E2F4: variants seen among roughly 807,000 people sequenced by gnomAD.
The protein encoded by E2F4 is transcription factor E2F4.
E2F4 carries 16 observed loss-of-function variants against 44.5 expected under a neutral mutation model. The observed-to-expected ratio is 0.36, with a 90% CI of 0.24 to 0.55. The LOEUF (loss-of-function observed/expected upper bound fraction) is 0.55. Ranked by LOEUF, E2F4 falls within the 20% of genes least tolerant of loss-of-function variation. The probability of loss-of-function intolerance (pLI) is 0.87; values close to 1 mark genes in which losing one functional copy is unlikely to be tolerated. For missense variants in E2F4, 473 were observed against 522.1 expected (o/e 0.91, Z 0.92); for synonymous variants, 242 against 207.2 (o/e 1.17, Z -1.44).
chr16:67,195,346 G>T (rs2032950481), intron 6 of E2F4, among the ~76,000 whole-genome samples: 2 of 152,162 alleles, frequency 1.3e-5, no homozygotes, highest in African/African-American at 4.8e-5. Flanking sequence ...TGGCCAGGCT[G>T]GTTTCGAACT....
At chr16:67,197,803 T>G (rs184580695) in intron 8 of E2F4, 64 bp from the exon 9 acceptor site, 1 of 1,611,792 alleles carries the variant, frequency 6.2e-7, no homozygotes, top group Admixed American at 1.7e-5. Context: ...TTCCCTTTCC[T>G]GGGCTTTGGT....
At chr16:67,192,968 A>G in intron 2 of E2F4, 41 bp from the exon 3 acceptor site, 1 of 1,559,284 alleles carries the variant, frequency 6.4e-7, no homozygotes, top group Non-Finnish European at 8.7e-7. Flanking sequence ...TGGGACCCAG[A>G]GTTCTCAGCA....
chr16:67,192,161 G>A lies in E2F4; in HGVS notation c.-67G>A. On this transcript the variant is annotated 5_prime_UTR_variant, in exon 1 of 10. Coordinates refer to ENST00000379378, the MANE Select transcript of E2F4 (RefSeq NM_001950.4). ...CTCCGGCTGCCCGGCGGCCAGGAAC[G>A]GAAGCGGAAGTGGCGGCGGCGCCGG... 1.7e-6 allele frequency: 2 copies of A among 1,195,192 alleles called. No homozygotes were observed. The highest frequency in any genetic ancestry group is 1.0e-6 in the Non-Finnish European group (1 of 963,486). 74.0% of individuals were successfully genotyped at this position (1,195,192 alleles called of 1,614,324 possible). A position where few individuals can be genotyped will look rare whatever the true frequency, so the allele number is the denominator to read the frequency against.
rs2033022900 is a variant in E2F4 at position 67,198,885 on chromosome 16, G to T, written c.*762G>T. On this transcript the variant is annotated 3_prime_UTR_variant, in exon 10 of 10. Transcript: ENST00000379378. Reference sequence around the variant, plus strand: ...AAAAGGAAATTGTAATATTTGTACAGTGTTCAAGTGAATAAAAACCATGCC... The same window carrying T: ...AAAAGGAAATTGTAATATTTGTACATTGTTCAAGTGAATAAAAACCATGCC... 9.6e-6 allele frequency: 5 copies of T among 522,408 alleles called. No homozygotes were observed. In the South Asian group the frequency reaches 1.4e-4, roughly 14 times the overall value. The allele number at this position is 522,408 out of a possible 1,614,324, so 32.4% of individuals were successfully genotyped here.
In E2F4 at chr16:67,195,929, G is replaced by GCAA. The variant is rs772097792; in HGVS notation, c.959_961dup (p.Asn320dup). 37 of 1,613,512 alleles carry GCAA rather than the reference G, an allele frequency of 2.3e-5. No homozygotes were observed. The highest frequency in any genetic ancestry group is 1.4e-4 in the South Asian group (13 of 91,072). On this transcript the variant is annotated inframe_insertion, in exon 7 of 10. Coordinates refer to ENST00000379378, the MANE Select transcript of E2F4 (RefSeq NM_001950.4). ...AGCAGCAGCAGCAGCAGCAGCAGCA[G>GCAA]CAACAGTAACAGCAGCAGTTCGTCC... is the stretch of plus-strand genomic sequence containing the variant.
chr16:67,195,917 GCAGCAGCAGCAGCAA>G lies in E2F4; in HGVS notation c.948_962del (p.Ser317_Ser321del), dbSNP rs1256597379. 1 of 1,612,132 alleles carries G rather than the reference GCAGCAGCAGCAGCAA, an allele frequency of 6.2e-7. No individual in the cohort carries two copies. The highest frequency in any genetic ancestry group is 1.3e-5 in the African/African-American group (1 of 74,746). On this transcript the variant is annotated inframe_deletion, in exon 7 of 10. Coordinates refer to ENST00000379378, the MANE Select transcript of E2F4 (RefSeq NM_001950.4). ...AGCAGCAGCAGCAGCAGCAGCAGCAGCAGCAGCAGCAGCAACAGTAACAGCAGCAGTTCGTCCGGA... is the reference window on the plus strand; with the variant it reads ...AGCAGCAGCAGCAGCAGCAGCAGCAGCAGTAACAGCAGCAGTTCGTCCGGA...
chr16:67,192,584 T>C (rs773034588), intron 1 of E2F4, 177 bp from the exon 2 acceptor site: 4 of 952,766 alleles, frequency 4.2e-6, no homozygotes, highest in Non-Finnish European at 6.1e-6. Flanking sequence ...TCGTGGCCCT[T>C]CCTGGCTGGC....
intron 7 of E2F4, among the ~76,000 whole-genome samples, chr16:67,196,671 A>G (rs2032974676): frequency 6.6e-6 from 1 of 152,188 alleles, no homozygotes; most frequent in Admixed American, 6.5e-5. Flanking sequence ...CCCAATCTGC[A>G]CACTTCGGTG....
rs2032894884 is a variant in E2F4, at chr16:67,192,169, A to G, written c.-59A>G. ...GCCCGGCGGCCAGGAACGGAAGCGG[A>G]AGTGGCGGCGGCGCCGGCCTGGCCT... is the stretch of plus-strand genomic sequence containing the variant. On this transcript the variant is annotated 5_prime_UTR_variant, in exon 1 of 10. Transcript: ENST00000379378. The G allele has an allele frequency of 3.4e-6, 4 of 1,188,044 alleles. No homozygotes were observed. The highest frequency in any genetic ancestry group is 3.1e-6 in the Non-Finnish European group (3 of 959,014). 73.6% of individuals were successfully genotyped at this position (1,188,044 alleles called of 1,614,324 possible).
intron 7 of E2F4, among the ~76,000 whole-genome samples, chr16:67,196,756 G>A (rs1258877798): frequency 3.3e-5 from 5 of 152,102 alleles, no homozygotes; most frequent in African/African-American, 1.2e-4. Context: ...GTTTCCTCCC[G>A]AAGCTTGCTT....
intron 1 of E2F4, 33 bp downstream of exon 1, chr16:67,192,395 C>G: frequency 1.4e-6 from 2 of 1,409,888 alleles, no homozygotes; most frequent in Non-Finnish European, 9.3e-7. Context: ...ACAAGGGAGG[C>G]TGGTGGACCA....
Position 67,193,498 on chromosome 16 carries a change from T to C in E2F4, c.434T>C (p.Ile145Thr), listed in dbSNP as rs1056142343. The C allele has an allele frequency of 8.1e-6, 13 of 1,614,056 alleles. No homozygotes were observed. Among genetic ancestry groups the C allele is most frequent in the Non-Finnish European group, 1.7e-6 (2 of 1,180,038 alleles). Residue 145 changes from isoleucine (I) to threonine (T), a missense_variant, in exon 4 of 10, where the codon ATC becomes ACC. By Grantham distance (89) the Ile-to-Thr change is moderately conservative. Transcript: ENST00000379378. The part of the protein sequence containing the change: ...SCLAYVTHED[I>T]CRCFAGDTLL... ...TTGGCCTACGTCACTCATGAGGACA[T>C]CTGCAGATGCTTTGCTGGTGAGCAG...
Position 67,198,119 on chromosome 16 carries a change from T to C in E2F4, c.1238T>C (p.Leu413Pro). The C allele has an allele frequency of 6.2e-7, 1 of 1,613,158 alleles. No homozygotes were observed. Among genetic ancestry groups the C allele is most frequent in the South Asian group, 1.1e-5 (1 of 91,074 alleles). Residue 413 changes from leucine to proline, a missense_variant, in exon 10 of 10, where the codon CTC becomes CCC. Leu to Pro is a moderately conservative substitution (Grantham distance 98). This residue lies in a region of E2F4 where 314 missense variants were observed against 315.6 expected (regional missense o/e 0.99). Coordinates refer to ENST00000379378, the MANE Select transcript of E2F4 (RefSeq NM_001950.4). ...CDLFDVPVLNL is the reference protein window; with the variant it reads ...CDLFDVPVLNP ...CTCTTTGATGTGCCTGTTCTCAACC[T>C]CTGACTGACAGGGACATGCCCTGTG...
chr16:67,193,555 C>T (rs568957417), intron 4 of E2F4, 40 bp downstream of exon 4: 1 of 1,610,816 alleles, frequency 6.2e-7, no homozygotes, highest in Admixed American at 1.7e-5. Flanking sequence ...GTGGGCTGGG[C>T]TCAGCCAAAG....
chr16:67,192,233 G>A lies in E2F4; in HGVS notation c.6G>A (p.Ala2=), dbSNP rs3730392. The change falls in exon 1 of 10, where the codon GCG becomes GCA. Residue 2 remains alanine, a synonymous_variant. Coordinates refer to ENST00000379378, the MANE Select transcript of E2F4 (RefSeq NM_001950.4). M[A]EAGPQAPPPP... Reference sequence around the variant, plus strand: ...GGAGGCGGCGGGCGGGCGCGATGGCGGAGGCCGGGCCACAGGCGCCGCCGC... The same window carrying A: ...GGAGGCGGCGGGCGGGCGCGATGGCAGAGGCCGGGCCACAGGCGCCGCCGC... 1.0e-4 allele frequency: 130 copies of A among 1,262,430 alleles called. 1 individual carries two copies. The South Asian group carries it at 4.1e-3, about 40-fold the overall frequency. 78.2% of individuals were successfully genotyped at this position (1,262,430 alleles called of 1,614,324 possible). A position where few individuals can be genotyped will look rare whatever the true frequency, so the allele number is the denominator to read the frequency against.
rs3830472 is a variant in E2F4, at chr16:67,195,890, A to ACAGCAGCAGCAGCAGCAGCAGCAGCAG, written c.932_958dup (p.Ser311_Ser319dup). On this transcript the variant is annotated inframe_insertion, in exon 7 of 10. Coordinates refer to ENST00000379378, the MANE Select transcript of E2F4 (RefSeq NM_001950.4). ...CCACTGCAGTCTTCTGCCCTGCTGG[A>ACAGCAGCAGCAGCAGCAGCAGCAGCAG]CAGCAGCAGCAGCAGCAGCAGCAGC... is the stretch of plus-strand genomic sequence containing the variant. 1.1e-5 allele frequency: 17 copies of ACAGCAGCAGCAGCAGCAGCAGCAGCAG among 1,607,982 alleles called. No individual in the cohort carries two copies. The highest frequency in any genetic ancestry group is 3.4e-5 in the Admixed American group (2 of 59,674).
intron 4 of E2F4, 113 bp downstream of exon 4, chr16:67,193,628 G>C (rs2032923402): frequency 2.6e-6 from 3 of 1,159,746 alleles, no homozygotes; most frequent in Admixed American, 3.6e-5. Flanking sequence ...TCTGGGGCCT[G>C]CTCAGAGAGG....
intron 6 of E2F4, 119 bp from the exon 7 acceptor site, chr16:67,195,663 A>C (rs1313643304): frequency 3.9e-6 from 6 of 1,528,242 alleles, no homozygotes; most frequent in Non-Finnish European, 5.3e-6. Context: ...GGCAATGCCT[A>C]ATTCTCCTTG....
In E2F4 at chr16:67,198,909, C is replaced by G; in HGVS notation, c.*786C>G. On this transcript the variant is annotated 3_prime_UTR_variant, in exon 10 of 10. Transcript: ENST00000379378. ...AGTGTTCAAGTGAATAAAAACCATGCCTAAGGCTAGCTCTGATGTGGTTCT... is the reference window on the plus strand; with the variant it reads ...AGTGTTCAAGTGAATAAAAACCATGGCTAAGGCTAGCTCTGATGTGGTTCT... 1 of 556,774 alleles carries G rather than the reference C, an allele frequency of 1.8e-6. No individual in the cohort carries two copies. Among genetic ancestry groups the G allele is most frequent in the Non-Finnish European group, 3.2e-6 (1 of 312,912 alleles). The allele number at this position is 556,774 out of a possible 1,614,324, so 34.5% of individuals were successfully genotyped here. A position where few individuals can be genotyped will look rare whatever the true frequency, so the allele number is the denominator to read the frequency against.
Sources: gnomAD v4.1 joint callset for allele counts (sites outside exome capture counted in the v4.1 genomes callset) on GRCh38, gnomAD v4.1.1 for gene constraint, gnomAD v4.1.1 regional missense constraint, MANE v1.5 for transcripts, NCBI Gene and HGNC (gene_info 2026-07-23, HGNC 2026-07-21) for gene names.